Variants in MED13L observed in about 807,000 individuals in gnomAD.
The protein encoded by MED13L is mediator complex subunit 13L.
A neutral mutation model predicts 220.9 loss-of-function variants in MED13L; 7 were observed. The observed-to-expected ratio is 0.03, with a 90% CI of 0.02 to 0.06. The LOEUF (loss-of-function observed/expected upper bound fraction) is 0.06, where lower values mean the gene tolerates loss of function less well. MED13L is among the 10% of genes least tolerant of loss of function. MED13L has a pLI of 1.00. For missense variants in MED13L, 1,965 were observed against 2,760.5 expected (o/e 0.71, Z 6.46); for synonymous variants, 1,011 against 1,015.2 (o/e 1.00, Z 0.08).
intron 1 of MED13L, among the ~76,000 whole-genome samples, chr12:116,266,605 T>A (rs1872850886): frequency 1.3e-5 from 2 of 152,216 alleles, no homozygotes; most frequent in South Asian, 4.1e-4. Flanking sequence ...CCCACAAAAA[T>A]GCTGCTATAA....
chr12:116,224,361 T>C (rs1343460986), intron 2 of MED13L, among the ~76,000 whole-genome samples: 1 of 152,182 alleles, frequency 6.6e-6, no homozygotes, highest in East Asian at 1.9e-4. Context: ...CCAAATTCTA[T>C]CTACCCTTTA....
At chr12:116,146,880 T>TA (rs998481598) in intron 2 of MED13L, among the ~76,000 whole-genome samples, 16 of 144,250 alleles carry the variant, frequency 1.1e-4, no homozygotes, top group African/African-American at 2.8e-4. Context: ...AAATAATAAT[T>TA]AAAAAAAAAA....
At chr12:116,003,200 G>T in intron 13 of MED13L, 98 bp from the exon 14 acceptor site, 2 of 1,008,728 alleles carry the variant, frequency 2.0e-6, no homozygotes, top group Non-Finnish European at 3.1e-6. Context: ...GATGCCTCTT[G>T]GTAGAAGCGT....
At chr12:116,209,926 T>C (rs1422681917) in intron 2 of MED13L, among the ~76,000 whole-genome samples, 1 of 152,198 alleles carries the variant, frequency 6.6e-6, no homozygotes, top group Non-Finnish European at 1.5e-5. Flanking sequence ...AAAATTGGGC[T>C]TCCTCTTGAA....
At chr12:116,082,500 T>C in intron 4 of MED13L, 1 of 152,260 alleles carries the variant, frequency 6.6e-6, no homozygotes. Context: ...GCTGCCTCCG[T>C]TATTACCCAG....
At chr12:115,998,127 TAA>T (rs774571456) in intron 14 of MED13L, among the ~76,000 whole-genome samples, 2 of 151,462 alleles carry the variant, frequency 1.3e-5, no homozygotes, top group African/African-American at 2.4e-5. Flanking sequence ...ACTCCTTCTT[TAA>T]AAAAAAAGTT....
At chr12:115,979,773 T>C (rs1193329010) in intron 23 of MED13L, among the ~76,000 whole-genome samples, 1 of 152,232 alleles carries the variant, frequency 6.6e-6, no homozygotes, top group Admixed American at 6.5e-5. Context: ...AATAAAATTG[T>C]GGGAACTGAT....
chr12:116,184,439 C>A (rs1208363531), intron 2 of MED13L, among the ~76,000 whole-genome samples: 1 of 152,120 alleles, frequency 6.6e-6, no homozygotes, highest in African/African-American at 2.4e-5. Context: ...GGCAACTAGA[C>A]AATGTCTCAC....
intron 2 of MED13L, among the ~76,000 whole-genome samples, chr12:116,155,100 T>C (rs1878329307): frequency 6.6e-6 from 1 of 152,182 alleles, no homozygotes. Flanking sequence ...GTGTTGGGAT[T>C]ACAGGCGTGA....
At chr12:116,119,074 C>T (rs1447640648) in intron 2 of MED13L, among the ~76,000 whole-genome samples, 2 of 152,184 alleles carry the variant, frequency 1.3e-5, no homozygotes, top group Non-Finnish European at 2.9e-5. Context: ...TGGCACACTT[C>T]TGTCACTCAG....
At chr12:116,004,700 C>CA (rs1055223900) in intron 13 of MED13L, among the ~76,000 whole-genome samples, 1 of 152,006 alleles carries the variant, frequency 6.6e-6, no homozygotes, top group Non-Finnish European at 1.5e-5. Flanking sequence ...TGTCCCTCCC[C>CA]CTTCCTCTCA....
intron 4 of MED13L, among the ~76,000 whole-genome samples, chr12:116,038,172 CTT>C (rs397937912): frequency 5.7e-5 from 8 of 140,688 alleles, no homozygotes; most frequent in African/African-American, 1.3e-4. Context: ...GCTTGGAATT[CTT>C]TTTTTTTTTT....
chr12:116,043,491 T>C (rs1434466190), intron 4 of MED13L, among the ~76,000 whole-genome samples: 5 of 152,166 alleles, frequency 3.3e-5, no homozygotes, highest in Admixed American at 6.5e-5. Flanking sequence ...GGTACATTAA[T>C]CATGTTTAGT....
chr12:116,038,744 C>CAAAAAA lies in MED13L; in HGVS notation c.480-16149_480-16144dup, dbSNP rs63703461. ...GACTTTACCTATGCGGTCAAAAGGC[C>CAAAAAA]AAAAAAAAAAAAAAAAAAAAAAAAA... On this transcript the variant is annotated intron_variant, in intron 4 of 30. Transcript: ENST00000281928. Among the ~76,000 whole-genome samples, 570 of 75,228 alleles carry CAAAAAA rather than the reference C, an allele frequency of 7.6e-3. 24 individuals are homozygous for CAAAAAA. Among genetic ancestry groups the CAAAAAA allele is most frequent in the East Asian group, 0.028 (49 of 1,726 alleles). 49.4% of individuals were successfully genotyped at this position (75,228 alleles called of 152,430 possible). A position where few individuals can be genotyped will look rare whatever the true frequency, so the allele number is the denominator to read the frequency against.
intron 1 of MED13L, among the ~76,000 whole-genome samples, chr12:116,270,273 C>G (rs1022214862): frequency 6.6e-6 from 1 of 151,942 alleles, no homozygotes; most frequent in African/African-American, 2.4e-5. Context: ...TCCCAAGTAG[C>G]TGGGACTACA....
intron 4 of MED13L, among the ~76,000 whole-genome samples, chr12:116,050,073 T>G (rs1007910540): frequency 4.6e-5 from 7 of 152,180 alleles, no homozygotes; most frequent in African/African-American, 1.4e-4. Flanking sequence ...ACACAAGGAT[T>G]TTTCATTACA....
chr12:116,039,042 G>C (rs1052589099), intron 4 of MED13L, among the ~76,000 whole-genome samples: 13 of 152,018 alleles, frequency 8.6e-5, no homozygotes, highest in African/African-American at 2.4e-4. Flanking sequence ...CTAAAAAACT[G>C]ATAAAGCTAT....
intron 8 of MED13L, 23 bp downstream of exon 8, chr12:116,015,086 T>G: frequency 6.2e-7 from 1 of 1,604,484 alleles, no homozygotes; most frequent in Non-Finnish European, 8.5e-7. Context: ...AACTATGATC[T>G]AGACATAATC....
chr12:116,265,247 T>C (rs1221387725), intron 1 of MED13L, among the ~76,000 whole-genome samples: 1 of 152,208 alleles, frequency 6.6e-6, no homozygotes, highest in Non-Finnish European at 1.5e-5. Flanking sequence ...AATTAGATTG[T>C]CTATTTAAAG....
Sources: gnomAD v4.1 joint callset for allele counts (sites outside exome capture counted in the v4.1 genomes callset) on GRCh38, gnomAD v4.1.1 for gene constraint, MANE v1.5 for transcripts, NCBI Gene and HGNC (gene_info 2026-07-23, HGNC 2026-07-21) for gene names.